Variants in TMCO4 observed in about 807,000 individuals in gnomAD.
TMCO4 encodes the protein transmembrane and coiled-coil domain-containing protein 4.
A neutral mutation model predicts 64.7 loss-of-function variants in TMCO4; 58 were observed. That is an observed-to-expected ratio of 0.90 (90% CI 0.73 to 1.12). The LOEUF (loss-of-function observed/expected upper bound fraction) is 1.12. Ranked by LOEUF, TMCO4 falls within the 50% of genes most tolerant of loss-of-function variation. The pLI, the probability that TMCO4 is intolerant of heterozygous loss-of-function variation, is 0.00. For missense variants in TMCO4, 780 were observed against 825.9 expected, an observed-to-expected ratio of 0.94 and a Z score of 0.68; for synonymous variants, 325 against 346.1, an observed-to-expected ratio of 0.94 and a Z score of 0.68.
At chr1:19,717,791 G>A (rs1210050183) in intron 13 of TMCO4, among the ~76,000 whole-genome samples, 1 of 152,170 alleles carries the variant, frequency 6.6e-6, no homozygotes, top group African/African-American at 2.4e-5. Flanking sequence ...AGCCCTTAAA[G>A]TCTAGGCCCT....
At chr1:19,701,937 C>G (rs2095274864) in intron 13 of TMCO4, among the ~76,000 whole-genome samples, 1 of 152,088 alleles carries the variant, frequency 6.6e-6, no homozygotes, top group African/African-American at 2.4e-5. Flanking sequence ...GAGTTCAAGA[C>G]CAGCTTGGGC....
intron 2 of TMCO4, among the ~76,000 whole-genome samples, chr1:19,797,167 G>A (rs1322397858): frequency 6.6e-6 from 1 of 152,102 alleles, no homozygotes; most frequent in East Asian, 1.9e-4. Flanking sequence ...CATCATTATT[G>A]AGCACCTACT....
intron 14 of TMCO4, among the ~76,000 whole-genome samples, chr1:19,694,827 G>A (rs552637612): frequency 6.6e-6 from 1 of 152,334 alleles, no homozygotes; most frequent in East Asian, 1.9e-4. Flanking sequence ...GGTCTCCAGA[G>A]CTAAGAACAG....
Position 19,747,218 on chromosome 1 carries a change from T to C in TMCO4, c.558A>G (p.Lys186=). ...ASRKKKENRR[K]WKRYLLIGLA... is the part of the protein sequence containing the mutation. ...GGCCTATCAGGAGATAACGCTTCCATTTCCTCCGGTTTTCTTTCTTCTTTC... is the reference window on the plus strand; with the variant it reads ...GGCCTATCAGGAGATAACGCTTCCACTTCCTCCGGTTTTCTTTCTTCTTTC... Residue 186 remains lysine, a synonymous_variant, in exon 8 of 16, where the codon AAA becomes AAG. Coordinates refer to ENST00000294543, the MANE Select transcript of TMCO4 (RefSeq NM_181719.7). 1 of 1,614,000 alleles carries C rather than the reference T, an allele frequency of 6.2e-7. No individual in the cohort carries two copies. The highest frequency in any genetic ancestry group is 8.5e-7 in the Non-Finnish European group (1 of 1,179,944).
chr1:19,799,389 G>C (rs2044489379), intron 1 of TMCO4: 1 of 152,250 alleles, frequency 6.6e-6, no homozygotes, highest in Non-Finnish European at 1.5e-5. Context: ...GGGAGTCCTA[G>C]AGGCCTTCCT....
chr1:19,773,420 C>T (rs902299126), intron 4 of TMCO4, among the ~76,000 whole-genome samples: 7 of 152,126 alleles, frequency 4.6e-5, no homozygotes, highest in African/African-American at 1.2e-4. Flanking sequence ...GATGACACTT[C>T]GGAACTGTCT....
At position 19,718,650 on chromosome 1, in the gene TMCO4, C is replaced by CAAAAAAAAAAAAAAAA. The variant is rs754998314; in HGVS notation, c.1265-17781_1265-17766dup. Among the ~76,000 whole-genome samples, 58 of 63,308 alleles carry CAAAAAAAAAAAAAAAA rather than the reference C, an allele frequency of 9.2e-4. 5 individuals carry two copies. The highest frequency in any genetic ancestry group is 4.2e-3 in the African/African-American group (50 of 11,922). The allele number at this position is 63,308 out of a possible 152,430, so 41.5% of individuals were successfully genotyped here. ...TGGGTAACAGAATGAGACCGTCTCT[C>CAAAAAAAAAAAAAAAA]AAAAAAAAAAAAAAAAGAGAGAGAG... On this transcript the variant is annotated intron_variant, in intron 13 of 15. Transcript: ENST00000294543.
intron 13 of TMCO4, among the ~76,000 whole-genome samples, chr1:19,716,885 G>A (rs1203209082): frequency 1.3e-5 from 2 of 152,108 alleles, no homozygotes; most frequent in Non-Finnish European, 2.9e-5. Flanking sequence ...AAGCTGAGCG[G>A]GTGAGAAAAG....
chr1:19,783,639 T>C (rs2043594647), intron 3 of TMCO4, among the ~76,000 whole-genome samples: 1 of 152,242 alleles, frequency 6.6e-6, no homozygotes, highest in African/African-American at 2.4e-5. Context: ...AAGTAGGACA[T>C]GAACCATTAC....
intron 6 of TMCO4, among the ~76,000 whole-genome samples, chr1:19,767,558 G>T (rs1395559877): frequency 6.6e-6 from 1 of 152,176 alleles, no homozygotes; most frequent in East Asian, 1.9e-4. Flanking sequence ...GGGTTTGCAG[G>T]GGTGGGGTGC....
chr1:19,740,573 C>A (rs531278487), intron 11 of TMCO4, among the ~76,000 whole-genome samples: 1 of 152,202 alleles, frequency 6.6e-6, no homozygotes, highest in African/African-American at 2.4e-5. Context: ...ACGGACTGAT[C>A]ATGTGATTGG....
chr1:19,751,988 C>T (rs1002848139), intron 7 of TMCO4, among the ~76,000 whole-genome samples: 2 of 150,990 alleles, frequency 1.3e-5, no homozygotes, highest in Non-Finnish European at 2.9e-5. Flanking sequence ...GCGGAGCTTG[C>T]AGTGAGCCGA....
chr1:19,741,428 G>A (rs145307558), intron 10 of TMCO4, among the ~76,000 whole-genome samples: 1 of 152,218 alleles, frequency 6.6e-6, no homozygotes, highest in African/African-American at 2.4e-5. Flanking sequence ...CATGGCCTGG[G>A]AGATAGCTAG....
intron 13 of TMCO4, among the ~76,000 whole-genome samples, chr1:19,711,612 C>T (rs1403763199): frequency 3.3e-5 from 5 of 152,090 alleles, no homozygotes; most frequent in African/African-American, 1.2e-4. Context: ...CCTCAGCCTC[C>T]TGAGAAGCTG....
intron 15 of TMCO4, among the ~76,000 whole-genome samples, chr1:19,690,938 G>A (rs1360003253): frequency 7.1e-6 from 1 of 140,806 alleles, no homozygotes; most frequent in Non-Finnish European, 1.5e-5. Flanking sequence ...GTACCCTCTC[G>A]GCTCACTGCA....
At chr1:19,693,979 T>C (rs1025488505) in intron 15 of TMCO4, among the ~76,000 whole-genome samples, 1 of 152,042 alleles carries the variant, frequency 6.6e-6, no homozygotes, top group Non-Finnish European at 1.5e-5. Context: ...CCTGTTCCTG[T>C]TAATTGCTAG....
rs529297965 is a variant in TMCO4, at chr1:19,734,677, G to A, written c.1264+2695C>T. On this transcript the variant is annotated intron_variant, in intron 13 of 15. Transcript: ENST00000294543. This position sits in a 1 kb window ranked among gnomAD's most constrained non-coding sequence, Gnocchi z 4.4. The stretch of plus-strand genomic sequence containing the variant: ...AGACACCCCTGAGAGCCCCGCCTTT[G>A]CCCATGCTGGCCGACCCTCTGGAAT... Among the ~76,000 whole-genome samples the A allele has an allele frequency of 3.9e-4, 60 of 152,182 alleles. No individual in the cohort carries two copies. The highest frequency in any genetic ancestry group is 2.5e-4 in the Non-Finnish European group (17 of 68,000).
chr1:19,779,552 T>C lies in TMCO4; in HGVS notation c.179+1028A>G, dbSNP rs570004452. Among the ~76,000 whole-genome samples the C allele has an allele frequency of 2.4e-4, 36 of 152,334 alleles. 1 individual carries two copies. Among genetic ancestry groups the C allele is most frequent in the African/African-American group, 4.8e-4 (20 of 41,580 alleles). On this transcript the variant is annotated intron_variant, in intron 4 of 15. Coordinates refer to ENST00000294543, the MANE Select transcript of TMCO4 (RefSeq NM_181719.7). The stretch of plus-strand genomic sequence containing the variant: ...CACACATGGGAGGTACTGTCAATGA[T>C]AGAGATGAAATATAACGATGTCATT...
At chr1:19,757,490 T>C (rs2042319050) in intron 6 of TMCO4, among the ~76,000 whole-genome samples, 1 of 152,162 alleles carries the variant, frequency 6.6e-6, no homozygotes, top group Non-Finnish European at 1.5e-5. Context: ...AGATTCTTAA[T>C]GTAATCACAC....
Sources: allele counts gnomAD v4.1 joint callset (sites outside exome capture counted in the v4.1 genomes callset), GRCh38; gene constraint gnomAD v4.1.1; non-coding constraint Gnocchi (gnomAD v3.1); transcripts MANE v1.5; gene names NCBI Gene and HGNC (gene_info 2026-07-23, HGNC 2026-07-21).